Variants in SYCP2L observed in about 807,000 individuals in gnomAD.
SYCP2L encodes synaptonemal complex protein 2 like.
In SYCP2L, 98 loss-of-function variants were observed where a neutral mutation model predicts 125.8. The ratio of observed to expected loss-of-function variants is 0.78; its 90% CI spans 0.66 to 0.92. The LOEUF (loss-of-function observed/expected upper bound fraction) is 0.92, where lower values mean the gene tolerates loss of function less well. Ranked by LOEUF, SYCP2L falls within the 40% of genes least tolerant of loss-of-function variation. SYCP2L has a pLI of 0.00. For missense variants in SYCP2L, 842 were observed against 936.4 expected, an observed-to-expected ratio of 0.90 and a Z score of 1.32; for synonymous variants, 317 against 325.4, an observed-to-expected ratio of 0.97 and a Z score of 0.28.
In SYCP2L at chr6:10,927,349, A is replaced by G; in HGVS notation, c.1422A>G (p.Glu474=). 1.2e-6 allele frequency: 2 copies of G among 1,613,466 alleles called. No individual in the cohort carries two copies. Among genetic ancestry groups the G allele is most frequent in the Non-Finnish European group, 1.7e-6 (2 of 1,179,860 alleles). The change falls in exon 17 of 30, where the codon GAA becomes GAG. Residue 474 remains glutamate, a synonymous_variant. Coordinates refer to ENST00000283141, the MANE Select transcript of SYCP2L (RefSeq NM_001040274.3). ...AATCTGAGCCACCTGTTATTGGGGAACCTGCCTCTGATAGTCACGTAGGTT... is the reference window on the plus strand; with the variant it reads ...AATCTGAGCCACCTGTTATTGGGGAGCCTGCCTCTGATAGTCACGTAGGTT... The part of the protein sequence containing the change: ...NDQSEPPVIG[E]PASDSHLQPV...
At chr6:10,952,962 G>A (rs1272932726) in intron 23 of SYCP2L, among the ~76,000 whole-genome samples, 1 of 152,142 alleles carries the variant, frequency 6.6e-6, no homozygotes, top group Non-Finnish European at 1.5e-5. Flanking sequence ...ATTTCTTAAT[G>A]TGTTTCTTTT....
In SYCP2L at chr6:10,894,196, A is replaced by ATC. The variant is rs772621408; in HGVS notation, c.329_330dup (p.Pro111SerfsTer4). On this transcript the variant is annotated frameshift_variant, in exon 4 of 30. Transcript: ENST00000283141. LOFTEE classifies it high-confidence loss of function. ...ACCTCTGCTAATTCGGCAGGGACTG[A>ATC]TCCCAAAGATAAGTGTCCTATTTTA... 1 of 1,612,556 alleles carries ATC rather than the reference A, an allele frequency of 6.2e-7. No homozygotes were observed. Among genetic ancestry groups the ATC allele is most frequent in the Non-Finnish European group, 8.5e-7 (1 of 1,179,774 alleles).
chr6:10,887,072 A>G lies in SYCP2L; in HGVS notation c.-55A>G. ...TGGGCGGGGAAGCAGGAGAGGGCCG[A>G]CCGAGCGCAACAAAGCTGAGCGGCG... On this transcript the variant is annotated 5_prime_UTR_variant, in exon 1 of 30. Transcript: ENST00000283141. 1 of 1,612,888 alleles carries G rather than the reference A, an allele frequency of 6.2e-7. No homozygotes were observed. Among genetic ancestry groups the G allele is most frequent in the Non-Finnish European group, 8.5e-7 (1 of 1,179,270 alleles).
intron 14 of SYCP2L, among the ~76,000 whole-genome samples, chr6:10,916,716 G>A (rs994048493): frequency 2.0e-5 from 3 of 152,154 alleles, no homozygotes; most frequent in African/African-American, 4.8e-5. Context: ...TAGCCGAGGC[G>A]TGGTGGCTCA....
At chr6:10,968,052 A>G (rs1332987766) in intron 29 of SYCP2L, among the ~76,000 whole-genome samples, 1 of 152,192 alleles carries the variant, frequency 6.6e-6, no homozygotes, top group Non-Finnish European at 1.5e-5. Flanking sequence ...AATAGAAGCC[A>G]GTTCCTTCGA....
Position 10,930,389 on chromosome 6 carries a change from A to G in SYCP2L, c.1508A>G (p.His503Arg), listed in dbSNP as rs576163717. The G allele has an allele frequency of 1.2e-6, 2 of 1,612,734 alleles. No homozygotes were observed. Among genetic ancestry groups the G allele is most frequent in the African/African-American group, 1.3e-5 (1 of 74,818 alleles). Reference protein sequence around the residue: ...PQQPKSHYRKHLFSESNQDSS... With the variant: ...PQQPKSHYRKRLFSESNQDSS... ...TTGTAGAAGTCTCATTACAGAAAACATCTCTTCTCTGAGAGTAATCAAGAT... is the reference window on the plus strand; with the variant it reads ...TTGTAGAAGTCTCATTACAGAAAACGTCTCTTCTCTGAGAGTAATCAAGAT... The change falls in exon 19 of 30, where the codon CAT (histidine) becomes CGT (arginine). Residue 503 changes from histidine (H) to arginine (R), a missense_variant. Physicochemically the swap from His to Arg is conservative, Grantham distance 29. Transcript: ENST00000283141.
rs933041246 is a variant in SYCP2L at position 10,942,132 on chromosome 6, C to T, written c.1814-327C>T. Among the ~76,000 whole-genome samples the T allele has an allele frequency of 5.0e-5, 6 of 120,236 alleles. No individual in the cohort carries two copies. The Admixed American group carries it at 7.0e-4, about 14-fold the overall frequency. 78.9% of individuals were successfully genotyped at this position (120,236 alleles called of 152,430 possible). ...TGGACACAGGAAAGGGAACATCACA[C>T]ACTGGGGCCTGTTGTGGGGTGGGGG... On this transcript the variant is annotated intron_variant, in intron 21 of 29. Transcript: ENST00000283141.
At chr6:10,943,368 A>G (rs1362734640) in intron 23 of SYCP2L, among the ~76,000 whole-genome samples, 1 of 152,250 alleles carries the variant, frequency 6.6e-6, no homozygotes, top group African/African-American at 2.4e-5. Flanking sequence ...TATTAATGCA[A>G]CAAATATCTG....
Position 10,909,431 on chromosome 6 carries a change from A to G in SYCP2L, c.820-717A>G, listed in dbSNP as rs575001364. ...GCGAGAGCCACCACGTCCGGCCCGA[A>G]TTGCTTTTTTGCATGAAAGGCTTAC... On this transcript the variant is annotated intron_variant, in intron 10 of 29. Coordinates refer to ENST00000283141, the MANE Select transcript of SYCP2L (RefSeq NM_001040274.3). Among the ~76,000 whole-genome samples, 8 of 152,198 alleles carry G rather than the reference A, an allele frequency of 5.3e-5. No individual in the cohort carries two copies. The South Asian group carries it at 1.5e-3, about 28-fold the overall frequency.
rs764463736 is a variant in SYCP2L, at chr6:10,961,519, C to T, written c.2375C>T (p.Ser792Phe). The change falls in exon 28 of 30, where the codon TCT becomes TTT. Residue 792 changes from serine (S) to phenylalanine (F), a missense_variant. Coordinates refer to ENST00000283141, the MANE Select transcript of SYCP2L (RefSeq NM_001040274.3). ...TCTTAGGAATTCTGGGGGAAACAGT[C>T]TGCTGATCTGCAATCTTTCTGTGAT... ...KEVLEFWGKQ[S>F]ADLQSFCDLQ... 6.2e-6 allele frequency: 10 copies of T among 1,614,028 alleles called. No individual in the cohort carries two copies. In the African/African-American group the frequency reaches 1.3e-4, roughly 22 times the overall value.
At chr6:10,964,661 C>T (rs1781649200) in intron 29 of SYCP2L, among the ~76,000 whole-genome samples, 1 of 152,048 alleles carries the variant, frequency 6.6e-6, no homozygotes, top group Non-Finnish European at 1.5e-5. Context: ...GGTTAATACA[C>T]AAACGTGTTT....
rs746086820 is a variant in SYCP2L at position 10,930,493 on chromosome 6, A to G, written c.1612A>G (p.Arg538Gly). Residue 538 changes from arginine to glycine, a missense_variant, in exon 19 of 30, where the codon AGA (arginine) becomes GGA (glycine). Coordinates refer to ENST00000283141, the MANE Select transcript of SYCP2L (RefSeq NM_001040274.3). ...LKSYSSRKKT[R>G]TRSNLRILPV... ...ATCATATTCCAGTAGAAAGAAGACA[A>G]GAACCAGAAGTAATTTGAGAAGTAA... 3.1e-6 allele frequency: 5 copies of G among 1,612,200 alleles called. No homozygotes were observed. The highest frequency in any genetic ancestry group is 1.3e-5 in the African/African-American group (1 of 74,960).
rs573882328 is a variant in SYCP2L, at chr6:10,940,515, A to G, written c.1814-1944A>G. ...TTCAGCCTCAAAAAAGAAGGAAATC[A>G]GGCCATATGCAACAACATGGATAAA... On this transcript the variant is annotated intron_variant, in intron 21 of 29. Coordinates refer to ENST00000283141, the MANE Select transcript of SYCP2L (RefSeq NM_001040274.3). Among the ~76,000 whole-genome samples the G allele has an allele frequency of 3.9e-5, 6 of 152,316 alleles. No individual in the cohort carries two copies. In the East Asian group the frequency reaches 7.7e-4, roughly 20 times the overall value.
At chr6:10,961,082 A>G (rs1581845350) in intron 26 of SYCP2L, among the ~76,000 whole-genome samples, 1 of 151,622 alleles carries the variant, frequency 6.6e-6, no homozygotes, top group East Asian at 1.9e-4. Context: ...CCATCTCAAA[A>G]AAAAAAAAAA....
chr6:10,941,115 C>T (rs1281810271), intron 21 of SYCP2L, among the ~76,000 whole-genome samples: 2 of 152,172 alleles, frequency 1.3e-5, no homozygotes, highest in South Asian at 2.1e-4. Flanking sequence ...AAAGCTGAAA[C>T]TGGATCCCTT....
chr6:10,970,350 C>G lies in SYCP2L; in HGVS notation c.*38-3602C>G, dbSNP rs112296264. On this transcript the variant is annotated intron_variant, in intron 29 of 29. Coordinates refer to ENST00000283141, the MANE Select transcript of SYCP2L (RefSeq NM_001040274.3). The stretch of plus-strand genomic sequence containing the variant: ...AAGGGTAGAGTACATAAGATGAAGT[C>G]AGGAAGGGTGTGGGTGTGGATGGTG... Among the ~76,000 whole-genome samples, 781 of 152,224 alleles carry G rather than the reference C, an allele frequency of 5.1e-3. 7 individuals are homozygous for G. The highest frequency in any genetic ancestry group is 0.018 in the African/African-American group (746 of 41,528).
intron 28 of SYCP2L, among the ~76,000 whole-genome samples, 163 bp from the exon 29 acceptor site, chr6:10,963,619 A>T (rs1781627565): frequency 6.6e-6 from 1 of 152,184 alleles, no homozygotes; most frequent in Admixed American, 6.5e-5. Context: ...AATCAGATGA[A>T]CATGTTAATC....
intron 8 of SYCP2L, among the ~76,000 whole-genome samples, chr6:10,903,512 T>C (rs1780425997): frequency 6.6e-6 from 1 of 151,890 alleles, no homozygotes; most frequent in South Asian, 2.1e-4. Context: ...CGCGCCACTG[T>C]GCTCCAGCCT....
chr6:10,943,702 T>G (rs1015547047), intron 23 of SYCP2L, among the ~76,000 whole-genome samples: 1 of 152,224 alleles, frequency 6.6e-6, no homozygotes, highest in Non-Finnish European at 1.5e-5. Context: ...TTATGACTTT[T>G]GTAAACATCC....
Sources: allele counts gnomAD v4.1 joint callset (sites outside exome capture counted in the v4.1 genomes callset), GRCh38; gene constraint gnomAD v4.1.1; transcripts MANE v1.5; gene names NCBI Gene and HGNC (gene_info 2026-07-23, HGNC 2026-07-21).